Variants in CSMD1 observed in about 807,000 individuals in gnomAD.
The protein encoded by CSMD1 is CUB and Sushi multiple domains 1.
CSMD1 carries 213 observed loss-of-function variants against 417.5 expected under a neutral mutation model. That is an observed-to-expected ratio of 0.51 (90% CI 0.46 to 0.57). The LOEUF is 0.57. Among genes scored for constraint, CSMD1 ranks in the 20% least tolerant of loss-of-function variants. The probability of loss-of-function intolerance (pLI) is 0.00; values close to 1 mark genes in which losing one functional copy is unlikely to be tolerated. For synonymous variants in CSMD1, 2,862 were observed against 1,736.8 expected (o/e 1.65, Z -16.11); for missense variants, 6,923 against 4,529.7 (o/e 1.53, Z -15.17).
At chr8:2,940,401 C>A (rs1252752364) in intron 69 of CSMD1, among the ~76,000 whole-genome samples, 2 of 152,132 alleles carry the variant, frequency 1.3e-5, no homozygotes, top group East Asian at 3.9e-4. Flanking sequence ...TGCAGGGCAG[C>A]CTCTTGGTCT....
At chr8:4,407,150 A>T (rs1210376641) in intron 3 of CSMD1, among the ~76,000 whole-genome samples, 1 of 152,148 alleles carries the variant, frequency 6.6e-6, no homozygotes, top group Admixed American at 6.6e-5. Flanking sequence ...GCAAAGCCAA[A>T]AGAGTAACTC....
At chr8:4,423,118 T>C (rs961689128) in intron 2 of CSMD1, among the ~76,000 whole-genome samples, 4 of 152,110 alleles carry the variant, frequency 2.6e-5, no homozygotes, top group Non-Finnish European at 5.9e-5. Context: ...ACTGAATGCT[T>C]CTGCCTAAGA....
At chr8:4,160,947 G>T (rs1017158617) in intron 3 of CSMD1, among the ~76,000 whole-genome samples, 10 of 152,134 alleles carry the variant, frequency 6.6e-5, no homozygotes, top group Non-Finnish European at 1.3e-4. Context: ...TACCTCATCA[G>T]ATGTATTTAT....
Position 4,438,212 on chromosome 8 carries a change from T to C in CSMD1, c.303-18147A>G, listed in dbSNP as rs552842465. 3.3e-5 allele frequency among the ~76,000 whole-genome samples: 5 copies of C among 152,250 alleles called. No homozygotes were observed. The South Asian group carries it at 1.0e-3, about 32-fold the overall frequency. The stretch of plus-strand genomic sequence containing the variant: ...ACATTGAGATCGATCTGCAAGAAAC[T>C]CCTGAAATAATCTCAACCCAAGCCG... On this transcript the variant is annotated intron_variant, in intron 2 of 69. Transcript: ENST00000635120.
At chr8:3,636,607 C>T (rs13271482) in intron 7 of CSMD1, among the ~76,000 whole-genome samples, 2 of 151,904 alleles carry the variant, frequency 1.3e-5, no homozygotes, top group Admixed American at 6.5e-5. Flanking sequence ...AACATCTTTT[C>T]AGGAAATGTT....
intron 5 of CSMD1, among the ~76,000 whole-genome samples, chr8:3,786,185 T>A (rs1167021818): frequency 2.0e-5 from 3 of 152,222 alleles, no homozygotes; most frequent in African/African-American, 7.2e-5. Context: ...GATTGGGACA[T>A]GAGATCTCCC....
intron 26 of CSMD1, among the ~76,000 whole-genome samples, chr8:3,282,210 A>G (rs1802792026): frequency 1.3e-5 from 2 of 152,176 alleles, no homozygotes; most frequent in African/African-American, 2.4e-5. Flanking sequence ...AACTGTGGAT[A>G]TCGGCTGATA....
intron 23 of CSMD1, among the ~76,000 whole-genome samples, chr8:3,328,608 G>A (rs1585006984): frequency 6.6e-6 from 1 of 152,124 alleles, no homozygotes; most frequent in South Asian, 2.1e-4. Flanking sequence ...CATATAGTGG[G>A]CTATGTGTCT....
intron 1 of CSMD1, among the ~76,000 whole-genome samples, chr8:4,890,157 T>C (rs1320176543): frequency 6.6e-6 from 1 of 152,132 alleles, no homozygotes; most frequent in African/African-American, 2.4e-5. Context: ...CTTAATTTTG[T>C]TTTAAAGAAA....
intron 12 of CSMD1, among the ~76,000 whole-genome samples, chr8:3,445,703 T>C (rs773095455): frequency 2.0e-4 from 31 of 152,276 alleles, no homozygotes; most frequent in Non-Finnish European, 3.5e-4. Flanking sequence ...CAAGGCCATG[T>C]AGCAAATGAG....
intron 3 of CSMD1, among the ~76,000 whole-genome samples, chr8:4,315,735 AG>A (rs1406032853): frequency 6.6e-6 from 1 of 152,228 alleles, no homozygotes; most frequent in East Asian, 1.9e-4. Context: ...TGTGCAAAAA[AG>A]AAACTGAATG....
intron 6 of CSMD1, among the ~76,000 whole-genome samples, chr8:3,753,150 G>A (rs1797447950): frequency 6.6e-6 from 1 of 152,156 alleles, no homozygotes; most frequent in Admixed American, 6.5e-5. Context: ...CCTTAATGGG[G>A]TCAACGTTCT....
At chr8:4,104,713 C>G (rs745853002) in intron 3 of CSMD1, among the ~76,000 whole-genome samples, 1 of 152,196 alleles carries the variant, frequency 6.6e-6, no homozygotes, top group Admixed American at 6.5e-5. Flanking sequence ...TAGCTGGCAA[C>G]AGTCCCAAGA....
At chr8:3,373,644 C>G (rs1259616199) in intron 18 of CSMD1, 1 of 152,168 alleles carries the variant, frequency 6.6e-6, no homozygotes, top group Non-Finnish European at 1.5e-5. Flanking sequence ...TCTACATTCC[C>G]TTAGCAGAGC....
intron 68 of CSMD1, among the ~76,000 whole-genome samples, chr8:2,949,087 G>A (rs1358590469): frequency 1.3e-5 from 2 of 151,354 alleles, no homozygotes; most frequent in Non-Finnish European, 1.5e-5. Flanking sequence ...AAGATATGAT[G>A]TCTGGCACAT....
rs140550861 is a variant in CSMD1 at position 4,186,922 on chromosome 8, C to T, written c.416-154823G>A. On this transcript the variant is annotated intron_variant, in intron 3 of 69. Transcript: ENST00000635120. ...GAGGCAGGAGAATCACCTGAACCCA[C>T]GAGGCAGAGATTGCAGTGAGCTGCA... Among the ~76,000 whole-genome samples the T allele has an allele frequency of 5.6e-3, 857 of 152,016 alleles. 12 individuals carry two copies. Among genetic ancestry groups the T allele is most frequent in the African/African-American group, 0.02 (827 of 41,446 alleles).
intron 2 of CSMD1, among the ~76,000 whole-genome samples, chr8:4,449,652 G>C (rs1006321959): frequency 1.3e-5 from 2 of 152,150 alleles, no homozygotes; most frequent in African/African-American, 2.4e-5. Flanking sequence ...CATAGATCAT[G>C]AACATAATCA....
At chr8:4,191,393 C>A (rs952770456) in intron 3 of CSMD1, among the ~76,000 whole-genome samples, 1 of 151,784 alleles carries the variant, frequency 6.6e-6, no homozygotes, top group Non-Finnish European at 1.5e-5. Context: ...AAGACTCTGT[C>A]TCAGAAAAAA....
At chr8:3,929,497 T>C (rs538910020) in intron 5 of CSMD1, among the ~76,000 whole-genome samples, 14 of 150,466 alleles carry the variant, frequency 9.3e-5, no homozygotes, top group African/African-American at 2.7e-4. Context: ...GACTCTGCAA[T>C]CTGCATATTG....
Sources: allele counts gnomAD v4.1 joint callset (sites outside exome capture counted in the v4.1 genomes callset), GRCh38; gene constraint gnomAD v4.1.1; transcripts MANE v1.5; gene names NCBI Gene and HGNC (gene_info 2026-07-23, HGNC 2026-07-21).